The following CAMKK2 variants were observed in gnomAD, a reference collection of about 807,000 sequenced individuals.
CAMKK2 encodes calcium/calmodulin-dependent protein kinase kinase 2.
In CAMKK2, 30 loss-of-function variants were observed where a neutral mutation model predicts 67.2. The observed-to-expected ratio is 0.45, with a 90% confidence interval of 0.33 to 0.61. The LOEUF is 0.61. Among genes scored for constraint, CAMKK2 ranks in the 20% least tolerant of loss-of-function variants. The probability of loss-of-function intolerance (pLI) is 0.02; values close to 1 mark genes in which losing one functional copy is unlikely to be tolerated. For synonymous variants in CAMKK2, 322 were observed against 326.2 expected (o/e 0.99, Z 0.14); for missense variants, 643 against 802.0 (o/e 0.80, Z 2.39).
At chr12:121,248,493 G>A in intron 14 of CAMKK2, 113 bp downstream of exon 14, 1 of 1,241,206 alleles carries the variant, frequency 8.1e-7, no homozygotes, top group Non-Finnish European at 1.2e-6. Flanking sequence ...TGGATTAGGG[G>A]TGGCCCCCGG....
rs1566060344 is a variant in CAMKK2 at position 121,255,367 on chromosome 12, T to TATATATATAA, written c.907+182_907+183insTTATATATAT. Among the ~76,000 whole-genome samples the TATATATATAA allele has an allele frequency of 8.8e-3, 204 of 23,184 alleles. 53 individuals are homozygous for TATATATATAA. Among genetic ancestry groups the TATATATATAA allele is most frequent in the African/African-American group, 0.036 (197 of 5,530 alleles). 15.2% of individuals were successfully genotyped at this position (23,184 alleles called of 152,430 possible). Reference sequence around the variant, plus strand: ...TTATATATATAATTATATATATAATTTTATATATATAATTTTATATATATA... The same window carrying TATATATATAA: ...TTATATATATAATTATATATATAATTATATATATAATTATATATATAATTTTATATATATA... On this transcript the variant is annotated intron_variant, in intron 9 of 16. Transcript: ENST00000404169.
intron 1 of CAMKK2, among the ~76,000 whole-genome samples, chr12:121,287,053 C>T (rs979015922): frequency 2.6e-5 from 4 of 152,060 alleles, no homozygotes; most frequent in African/African-American, 9.7e-5. Flanking sequence ...TACAGGCATA[C>T]ACCACCACAC....
chr12:121,269,625 G>A (rs772725186), intron 3 of CAMKK2, 44 bp from the exon 4 acceptor site: 1 of 1,497,818 alleles, frequency 6.7e-7, no homozygotes, highest in Non-Finnish European at 9.2e-7. Context: ...CAGAAGTTAA[G>A]ATCTGCAAAA....
In CAMKK2 at chr12:121,240,394, G is replaced by T; in HGVS notation, c.*305C>A. The T allele has an allele frequency of 2.0e-6, 3 of 1,476,816 alleles. No individual in the cohort carries two copies. Among genetic ancestry groups the T allele is most frequent in the Non-Finnish European group, 2.7e-6 (3 of 1,101,168 alleles). 91.5% of individuals were successfully genotyped at this position (1,476,816 alleles called of 1,614,324 possible). ...CTGACGTGGTTCTGAAAATCACAAT[G>T]AAGGATTTTTGGCATAAAAACGTTT... On this transcript the variant is annotated 3_prime_UTR_variant, in exon 17 of 17. Transcript: ENST00000404169. This position sits in a 1 kb window ranked among gnomAD's most constrained non-coding sequence, Gnocchi z 4.4.
chr12:121,297,546 G>A (rs745646148), upstream of CAMKK2: 3 of 506,458 alleles, frequency 5.9e-6, no homozygotes, highest in Admixed American at 2.0e-5. Context: ...TACTTTGCTG[G>A]AGCCTTAAGT....
At chr12:121,248,506 A>G (rs1889957248) in intron 14 of CAMKK2, 100 bp downstream of exon 14, 10 of 1,431,846 alleles carry the variant, frequency 7.0e-6, no homozygotes, top group East Asian at 4.6e-5. Flanking sequence ...GCCCCCGGAC[A>G]TCTGACTCCC....
rs201317802 is a variant in CAMKK2, at chr12:121,240,684, G to C, written c.*15C>G. 2.1e-5 allele frequency: 34 copies of C among 1,582,846 alleles called. No homozygotes were observed. Among genetic ancestry groups the C allele is most frequent in the Admixed American group, 7.2e-5 (4 of 55,324 alleles). On this transcript the variant is annotated 3_prime_UTR_variant, in exon 17 of 17. Transcript: ENST00000404169. The surrounding 1 kb of genome is among the most constrained non-coding windows in gnomAD (Gnocchi z 4.4). The stretch of plus-strand genomic sequence containing the variant: ...GGCGACGCGGCGCGCATGCGAGGTC[G>C]AGCGATCCAGGCAGCTACTCGGGCT...
chr12:121,269,614 C>G, intron 3 of CAMKK2, 33 bp from the exon 4 acceptor site: 2 of 1,566,972 alleles, frequency 1.3e-6, no homozygotes, highest in Non-Finnish European at 1.7e-6. Context: ...GACATACTAT[C>G]CAGAAGTTAA....
intron 6 of CAMKK2, 25 bp downstream of exon 6, chr12:121,263,781 C>G (rs1277499308): frequency 6.3e-7 from 1 of 1,586,232 alleles, no homozygotes; most frequent in African/African-American, 1.3e-5. Context: ...GCCTCCCTCC[C>G]TCCTGGGCGC....
intron 1 of CAMKK2, among the ~76,000 whole-genome samples, chr12:121,292,541 A>G (rs911635332): frequency 6.6e-6 from 1 of 152,206 alleles, no homozygotes; most frequent in African/African-American, 2.4e-5. Context: ...AATTTCCTCA[A>G]CTGTTAGGAA....
intron 1 of CAMKK2, among the ~76,000 whole-genome samples, chr12:121,284,759 C>T (rs1275199540): frequency 7.2e-5 from 11 of 152,222 alleles, no homozygotes; most frequent in Admixed American, 7.2e-4. Flanking sequence ...ATTCCTCTGC[C>T]TTGCTGGGAC....
chr12:121,255,810 G>A lies in CAMKK2; in HGVS notation c.797-6C>T, dbSNP rs202210061. ...TTGGTTGACCAGTTCGAACACTGTA[G>A]GGAAGAAAAGGGTGAAACTGTTACA... On this transcript the variant is annotated splice_region_variant and splice_polypyrimidine_tract_variant and intron_variant, in intron 7 of 16. Transcript: ENST00000404169. 4.3e-6 allele frequency: 7 copies of A among 1,613,750 alleles called. No individual in the cohort carries two copies. The South Asian group carries it at 5.5e-5, about 13-fold the overall frequency.
At position 121,248,757 on chromosome 12, in the gene CAMKK2, T is replaced by A. The variant is rs765684087; in HGVS notation, c.1324-23A>T. The A allele has an allele frequency of 3.7e-6, 6 of 1,612,422 alleles. No individual in the cohort carries two copies. The South Asian group carries it at 6.6e-5, about 18-fold the overall frequency. On this transcript the variant is annotated intron_variant, in intron 13 of 16. Transcript: ENST00000404169. ...CAGCTTCAACGAACGACAGGAGGGG[T>A]GAGGGGCAGGTGTGGCTGGCTACCG...
At chr12:121,268,099 T>TATATATATATATATATATAC (rs755449965) in intron 5 of CAMKK2, among the ~76,000 whole-genome samples, 11 of 143,510 alleles carry the variant, frequency 7.7e-5, no homozygotes, top group Admixed American at 2.8e-4. Context: ...TATATATATA[T>TATATATATATATATATATAC]ACTCTATTCA....
At chr12:121,271,043 G>A (rs1593412610) in intron 2 of CAMKK2, 98 bp from the exon 3 acceptor site, 2 of 889,950 alleles carry the variant, frequency 2.2e-6, no homozygotes, top group East Asian at 2.4e-5. Context: ...AGGAGACCAA[G>A]GTGGGAGGAT....
At chr12:121,267,101 ATCTTTTTTTTTTT>A (rs961265993) in intron 5 of CAMKK2, among the ~76,000 whole-genome samples, 2 of 30,414 alleles carry the variant, frequency 6.6e-5, no homozygotes, top group Non-Finnish European at 1.2e-4. Flanking sequence ...TTTTTAATTT[ATCTTTTTTTTTTT>A]TTTTTTTTTT....
At chr12:121,297,536 T>TA (rs747156071), upstream of CAMKK2, 47 of 499,536 alleles carry the variant, frequency 9.4e-5, no homozygotes, top group East Asian at 7.3e-4. Flanking sequence ...TTTTGGCACT[T>TA]ACTTTGCTGG....
At chr12:121,255,230 ATAATTT>A (rs1891684961) in intron 9 of CAMKK2, among the ~76,000 whole-genome samples, 2 of 70,940 alleles carry the variant, frequency 2.8e-5, no homozygotes, top group Non-Finnish European at 5.3e-5. Flanking sequence ...TTATATATAT[ATAATTT>A]TATATATATA....
chr12:121,267,211 G>T (rs1415584393), intron 5 of CAMKK2, among the ~76,000 whole-genome samples: 1 of 143,884 alleles, frequency 7.0e-6, no homozygotes, highest in African/African-American at 2.6e-5. Flanking sequence ...CTGGGTTCCA[G>T]CGATTCTCCT....
Sources: allele counts gnomAD v4.1 joint callset (sites outside exome capture counted in the v4.1 genomes callset), GRCh38; gene constraint gnomAD v4.1.1; non-coding constraint Gnocchi (gnomAD v3.1); transcripts MANE v1.5; gene names NCBI Gene and HGNC (gene_info 2026-07-23, HGNC 2026-07-21).